Variants in CHSY3 observed in about 807,000 individuals in gnomAD.
The protein encoded by CHSY3 is chondroitin sulfate synthase 3.
A neutral mutation model predicts 67.2 loss-of-function variants in CHSY3; 35 were observed. The ratio of observed to expected loss-of-function variants is 0.52; its 90% CI spans 0.40 to 0.69. CHSY3 has a LOEUF of 0.69. Among genes scored for constraint, CHSY3 ranks in the 30% least tolerant of loss-of-function variants. The probability of loss-of-function intolerance (pLI) is 0.00; values close to 1 mark genes in which losing one functional copy is unlikely to be tolerated. For synonymous variants in CHSY3, 474 were observed against 434.7 expected, an observed-to-expected ratio of 1.09 and a Z score of -1.12; for missense variants, 1,069 against 1,138.5, an observed-to-expected ratio of 0.94 and a Z score of 0.88.
At chr5:129,960,984 C>T (rs1171832341) in intron 2 of CHSY3, among the ~76,000 whole-genome samples, 3 of 152,058 alleles carry the variant, frequency 2.0e-5, no homozygotes, top group East Asian at 1.9e-4. Flanking sequence ...AGACAATTTC[C>T]GCAGTATGTT....
intron 2 of CHSY3, among the ~76,000 whole-genome samples, chr5:130,115,175 T>A (rs1767750560): frequency 1.3e-5 from 2 of 152,060 alleles, no homozygotes; most frequent in South Asian, 4.1e-4. Flanking sequence ...TATGAATGAT[T>A]GCAGAGTATT....
intron 2 of CHSY3, among the ~76,000 whole-genome samples, chr5:130,037,823 C>T (rs550559109): frequency 6.6e-6 from 1 of 152,176 alleles, no homozygotes; most frequent in South Asian, 2.1e-4. Context: ...TGTTCAAATT[C>T]TGCTTTCACT....
intron 2 of CHSY3, among the ~76,000 whole-genome samples, chr5:130,026,154 G>A (rs1177326313): frequency 2.6e-5 from 4 of 152,062 alleles, no homozygotes; most frequent in Admixed American, 1.3e-4. Context: ...TGATATTTCT[G>A]ATCTCTGCAG....
At chr5:130,116,950 G>A (rs1188423374) in intron 2 of CHSY3, among the ~76,000 whole-genome samples, 1 of 151,970 alleles carries the variant, frequency 6.6e-6, no homozygotes, top group African/African-American at 2.4e-5. Context: ...TGTAGAAAAT[G>A]TGGCATCATT....
chr5:130,080,557 T>A (rs1766413918), intron 2 of CHSY3, among the ~76,000 whole-genome samples: 1 of 152,160 alleles, frequency 6.6e-6, no homozygotes, highest in Non-Finnish European at 1.5e-5. Context: ...AGTAATTGTT[T>A]AATGTAACTC....
At chr5:130,048,650 G>A (rs1014225723) in intron 2 of CHSY3, among the ~76,000 whole-genome samples, 1 of 151,758 alleles carries the variant, frequency 6.6e-6, no homozygotes, top group Non-Finnish European at 1.5e-5. Context: ...CTCTCTCTCT[G>A]CCCCCTGCCT....
chr5:130,161,611 C>T (rs1213873460), intron 2 of CHSY3, among the ~76,000 whole-genome samples: 1 of 152,162 alleles, frequency 6.6e-6, no homozygotes, highest in Non-Finnish European at 1.5e-5. Context: ...AGAGTTTGCT[C>T]TTATGTTAGC....
chr5:130,141,743 T>G (rs550542619), intron 2 of CHSY3: 1 of 494,100 alleles, frequency 2.0e-6, no homozygotes, highest in Non-Finnish European at 4.0e-6. Flanking sequence ...GATAAGGGTA[T>G]TAAAATTATC....
chr5:129,982,834 T>C (rs895716582), intron 2 of CHSY3, among the ~76,000 whole-genome samples: 3 of 152,118 alleles, frequency 2.0e-5, no homozygotes, highest in African/African-American at 7.2e-5. Flanking sequence ...TAATTATGTC[T>C]TTTTATCTAA....
intron 2 of CHSY3, among the ~76,000 whole-genome samples, chr5:130,014,738 T>C (rs867178181): frequency 6.6e-6 from 1 of 152,082 alleles, no homozygotes; most frequent in Non-Finnish European, 1.5e-5. Context: ...ATGAAAGACC[T>C]AAAGCTTTAA....
At chr5:130,138,089 T>G (rs925484995) in intron 2 of CHSY3, among the ~76,000 whole-genome samples, 1 of 152,008 alleles carries the variant, frequency 6.6e-6, no homozygotes, top group Non-Finnish European at 1.5e-5. Flanking sequence ...AAAAAAAAAA[T>G]TCAAGAAAAA....
chr5:129,969,302 C>A (rs1377082613), intron 2 of CHSY3, among the ~76,000 whole-genome samples: 2 of 151,590 alleles, frequency 1.3e-5, no homozygotes, highest in East Asian at 3.9e-4. Flanking sequence ...ATGCATATTC[C>A]AATATGTTTA....
rs1769007206 is a variant in CHSY3 at position 130,144,328 on chromosome 5, G to A, written c.1087-39901G>A. On this transcript the variant is annotated intron_variant, in intron 2 of 2. Transcript: ENST00000305031. The stretch of plus-strand genomic sequence containing the variant: ...ATAACAAATATATGGTTATTTGCTG[G>A]ATACAAAATCAACACACAAAAATCA... Among the ~76,000 whole-genome samples the A allele has an allele frequency of 2.6e-5, 4 of 151,832 alleles. No individual in the cohort carries two copies. The South Asian group carries it at 8.3e-4, about 32-fold the overall frequency.
chr5:129,952,984 C>T (rs79573272), intron 2 of CHSY3, among the ~76,000 whole-genome samples: 5,488 of 152,160 alleles, frequency 0.036, 148 homozygotes, highest in Middle Eastern at 0.099. Flanking sequence ...CCTATATCTT[C>T]TTTTTTTAAA....
chr5:130,137,646 A>G (rs986232716), intron 2 of CHSY3, among the ~76,000 whole-genome samples: 3 of 152,182 alleles, frequency 2.0e-5, no homozygotes, highest in Non-Finnish European at 2.9e-5. Context: ...TTGTTTTCCT[A>G]CTTTTATTAG....
At chr5:130,020,317 G>A (rs888918016) in intron 2 of CHSY3, among the ~76,000 whole-genome samples, 7 of 151,402 alleles carry the variant, frequency 4.6e-5, no homozygotes, top group Admixed American at 2.0e-4. Flanking sequence ...CTACTCGGGA[G>A]GCTGAGGCAG....
chr5:130,037,410 A>G (rs754459324), intron 2 of CHSY3, among the ~76,000 whole-genome samples: 24 of 152,160 alleles, frequency 1.6e-4, no homozygotes, highest in Non-Finnish European at 2.5e-4. Flanking sequence ...GAGTTGGCGA[A>G]ATAAAAAGAA....
chr5:129,949,594 C>G (rs1052160458), intron 2 of CHSY3, among the ~76,000 whole-genome samples: 2 of 152,128 alleles, frequency 1.3e-5, no homozygotes, highest in East Asian at 3.9e-4. Flanking sequence ...AGAGGGAATA[C>G]TTCCAAACTA....
intron 2 of CHSY3, among the ~76,000 whole-genome samples, chr5:130,083,546 C>T (rs1766510695): frequency 1.3e-5 from 2 of 151,920 alleles, no homozygotes; most frequent in Admixed American, 1.3e-4. Flanking sequence ...ATATTAAAAT[C>T]AATTTGAGTC....
Sources: allele counts gnomAD v4.1 joint callset (sites outside exome capture counted in the v4.1 genomes callset), GRCh38; gene constraint gnomAD v4.1.1; transcripts MANE v1.5; gene names NCBI Gene and HGNC (gene_info 2026-07-23, HGNC 2026-07-21).